The following CCDC88C variants were observed in gnomAD, a reference collection of about 807,000 sequenced individuals.
The protein encoded by CCDC88C is coiled-coil and HOOK domain protein 88C, also known as protein Daple.
CCDC88C carries 131 observed loss-of-function variants against 198.8 expected under a neutral mutation model. That is an observed-to-expected ratio of 0.66 (90% CI 0.57 to 0.76). The LOEUF is 0.76. Among genes scored for constraint, CCDC88C ranks in the 30% least tolerant of loss-of-function variants. CCDC88C has a pLI of 0.00. For missense variants in CCDC88C, 2,553 were observed against 2,631.6 expected (o/e 0.97, Z 0.65); for synonymous variants, 1,166 against 1,114.7 (o/e 1.05, Z -0.92).
At chr14:91,354,817 G>A (rs751421936) in intron 4 of CCDC88C, among the ~76,000 whole-genome samples, 3 of 152,174 alleles carry the variant, frequency 2.0e-5, no homozygotes, top group Non-Finnish European at 4.4e-5. Context: ...TCATGAGAGC[G>A]TGCACCCTAA....
chr14:91,289,517 A>G (rs1018933524), intron 24 of CCDC88C, among the ~76,000 whole-genome samples, 174 bp from the exon 25 acceptor site: 3 of 152,112 alleles, frequency 2.0e-5, no homozygotes, highest in Non-Finnish European at 4.4e-5. Flanking sequence ...GGGGCTCAGG[A>G]GCTAGAACTT....
At chr14:91,382,014 G>A (rs1298023673) in intron 3 of CCDC88C, among the ~76,000 whole-genome samples, 1 of 152,062 alleles carries the variant, frequency 6.6e-6, no homozygotes, top group Admixed American at 6.5e-5. Flanking sequence ...GATAGGTTCT[G>A]TAATGTCAGG....
At chr14:91,384,289 T>C (rs1268456927) in intron 3 of CCDC88C, 3 of 263,624 alleles carry the variant, frequency 1.1e-5, no homozygotes, top group African/African-American at 7.8e-5. Flanking sequence ...TTTTTTTTTT[T>C]GTATTTGAAA....
In CCDC88C at chr14:91,278,064, C is replaced by A. The variant is rs1423694235; in HGVS notation, c.4916G>T (p.Gly1639Val). Residue 1639 changes from glycine (G) to valine (V), a missense_variant, in exon 29 of 30, where the codon GGG (glycine) becomes GTG (valine). Physicochemically the swap from Gly to Val is moderately radical, Grantham distance 109. Transcript: ENST00000389857. Reference protein sequence around the residue: ...GRHEYPLPRNGPLPQEGAQKR... With the variant: ...GRHEYPLPRNVPLPQEGAQKR... ...CTGGGCACCCTCCTGTGGGAGAGGC[C>A]CGTTCCGAGGCAAGGGGTACTCGTG... 3 of 1,611,362 alleles carry A rather than the reference C, an allele frequency of 1.9e-6. No homozygotes were observed. Among genetic ancestry groups the A allele is most frequent in the South Asian group, 2.2e-5 (2 of 90,486 alleles).
chr14:91,281,277 G>A (rs1313277156), intron 27 of CCDC88C, 180 bp downstream of exon 27: 18 of 1,476,144 alleles, frequency 1.2e-5, no homozygotes, highest in South Asian at 2.4e-5. Context: ...CACCACTGGA[G>A]GTATGTAAGT....
intron 12 of CCDC88C, among the ~76,000 whole-genome samples, chr14:91,323,410 G>A (rs1032082829): frequency 6.6e-6 from 1 of 152,146 alleles, no homozygotes; most frequent in African/African-American, 2.4e-5. Context: ...TTGCAGGTAA[G>A]GAAACTAAAG....
At chr14:91,387,846 C>G (rs1221967080) in intron 3 of CCDC88C, among the ~76,000 whole-genome samples, 1 of 152,176 alleles carries the variant, frequency 6.6e-6, no homozygotes, top group Non-Finnish European at 1.5e-5. Flanking sequence ...GTTGGCTAAA[C>G]GAGGAGCAGC....
At chr14:91,290,758 G>A (rs77000291) in intron 24 of CCDC88C, among the ~76,000 whole-genome samples, 4,468 of 152,256 alleles carry the variant, frequency 0.029, 196 homozygotes, top group African/African-American at 0.098. Context: ...CTTAAAAAAG[G>A]CTCATAGCTA....
At chr14:91,344,661 A>G (rs1166394669) in intron 4 of CCDC88C, among the ~76,000 whole-genome samples, 1 of 150,530 alleles carries the variant, frequency 6.6e-6, no homozygotes, top group African/African-American at 2.5e-5. Context: ...ACAGGCGGCC[A>G]CCACCGCGCC....
chr14:91,313,137 G>C lies in CCDC88C; in HGVS notation c.2679C>G (p.Asn893Lys), dbSNP rs1278043459. Residue 893 changes from asparagine to lysine, a missense_variant, in exon 15 of 30, where the codon AAC (asparagine) becomes AAG (lysine). Asn to Lys is a moderately conservative substitution (Grantham distance 94). Coordinates refer to ENST00000389857, the MANE Select transcript of CCDC88C (RefSeq NM_001080414.4). This position sits in a 1 kb window ranked among gnomAD's most constrained non-coding sequence, Gnocchi z 5.2. ...CGGTGACTTGCTTGGTGAGGTCCCG[G>C]TTGTCCTTCTCCAGCTCCTTCAGCT... ...AGKLKELEKD[N>K]RDLTKQVTVH... 6.2e-7 allele frequency: 1 copy of C among 1,609,454 alleles called. No homozygotes were observed. Among genetic ancestry groups the C allele is most frequent in the Non-Finnish European group, 8.5e-7 (1 of 1,176,846 alleles).
At chr14:91,395,818 C>T (rs962889623) in intron 3 of CCDC88C, among the ~76,000 whole-genome samples, 3 of 152,146 alleles carry the variant, frequency 2.0e-5, no homozygotes, top group Non-Finnish European at 4.4e-5. Context: ...ACCCCTCAAC[C>T]CTTAGCCTCC....
intron 3 of CCDC88C, among the ~76,000 whole-genome samples, chr14:91,382,082 G>A (rs1036015570): frequency 8.5e-5 from 13 of 152,212 alleles, no homozygotes; most frequent in South Asian, 8.3e-4. Context: ...TTTCAGACCC[G>A]CCATTAAATA....
chr14:91,350,289 T>C (rs1415184064), intron 4 of CCDC88C, among the ~76,000 whole-genome samples: 2 of 151,914 alleles, frequency 1.3e-5, no homozygotes, highest in Non-Finnish European at 2.9e-5. Context: ...GCCTCCCAAG[T>C]AGCTGGGACT....
chr14:91,300,871 G>T (rs772105250), intron 20 of CCDC88C, among the ~76,000 whole-genome samples: 41 of 152,174 alleles, frequency 2.7e-4, no homozygotes, highest in Non-Finnish European at 5.7e-4. Context: ...TAGCAGACTG[G>T]AAGTGTTGAG....
intron 26 of CCDC88C, 68 bp from the exon 27 acceptor site, chr14:91,281,593 C>T: frequency 2.9e-6 from 4 of 1,401,672 alleles, no homozygotes; most frequent in Non-Finnish European, 4.0e-6. Flanking sequence ...AACCCCGCCA[C>T]CTCGCCTGGC....
chr14:91,338,381 T>A lies in CCDC88C; in HGVS notation c.891+108A>T. 9.3e-7 allele frequency: 1 copy of A among 1,071,950 alleles called. No individual in the cohort carries two copies. The highest frequency in any genetic ancestry group is 1.4e-6 in the Non-Finnish European group (1 of 718,324). 66.4% of individuals were successfully genotyped at this position (1,071,950 alleles called of 1,614,324 possible). On this transcript the variant is annotated intron_variant, in intron 9 of 29. Coordinates refer to ENST00000389857, the MANE Select transcript of CCDC88C (RefSeq NM_001080414.4). This position sits in a 1 kb window ranked among gnomAD's most constrained non-coding sequence, Gnocchi z 4.8. ...AGCCGTGCTCAGGACAAGTGGCTCTTGTGTGGCTTAAAAGCGCTGCTGTTG... is the reference window on the plus strand; with the variant it reads ...AGCCGTGCTCAGGACAAGTGGCTCTAGTGTGGCTTAAAAGCGCTGCTGTTG...
chr14:91,289,274 T>C lies in CCDC88C; in HGVS notation c.4272A>G (p.Glu1424=). The C allele has an allele frequency of 6.2e-7, 1 of 1,614,020 alleles. No individual in the cohort carries two copies. ...GGCTGTCCACGGTGGATTTTAAGCG[T>C]TCCCTCGAACCCTCTTTCTTTGGTT... The part of the protein sequence containing the change: ...LIKPKKEGSR[E]RLKSTVDSPP... Residue 1424 remains glutamate, a synonymous_variant, in exon 25 of 30, where the codon GAA becomes GAG. Transcript: ENST00000389857.
At chr14:91,364,392 G>C (rs909402942) in intron 3 of CCDC88C, among the ~76,000 whole-genome samples, 1 of 152,240 alleles carries the variant, frequency 6.6e-6, no homozygotes, top group Non-Finnish European at 1.5e-5. Context: ...ATGACTCCTC[G>C]GCCAATTAAA....
At chr14:91,275,907 C>T (rs977914107) in intron 29 of CCDC88C, among the ~76,000 whole-genome samples, 1 of 145,494 alleles carries the variant, frequency 6.9e-6, no homozygotes, top group African/African-American at 2.6e-5. Flanking sequence ...CTGCAAGCTC[C>T]GCCTCCCGGG....
Sources: allele counts gnomAD v4.1 joint callset (sites outside exome capture counted in the v4.1 genomes callset), GRCh38; gene constraint gnomAD v4.1.1; non-coding constraint Gnocchi (gnomAD v3.1); transcripts MANE v1.5; gene names NCBI Gene and HGNC (gene_info 2026-07-23, HGNC 2026-07-21).